The following MEGF11 variants were observed in gnomAD, a reference collection of about 807,000 sequenced individuals.
MEGF11 encodes the protein multiple epidermal growth factor-like domains protein 11.
A neutral mutation model predicts 146.6 loss-of-function variants in MEGF11; 126 were observed. The ratio of observed to expected loss-of-function variants is 0.86; its 90% CI spans 0.74 to 1.00. The LOEUF (loss-of-function observed/expected upper bound fraction) is 1.00. MEGF11 is among the 50% of genes least tolerant of loss of function. The pLI, the probability that MEGF11 is intolerant of heterozygous loss-of-function variation, is 0.00. For missense variants in MEGF11, 1,509 were observed against 1,521.2 expected (o/e 0.99, Z 0.13); for synonymous variants, 532 against 583.4 (o/e 0.91, Z 1.27).
intron 1 of MEGF11, among the ~76,000 whole-genome samples, chr15:66,236,298 G>C (rs2092089860): frequency 6.6e-6 from 1 of 152,164 alleles, no homozygotes; most frequent in Non-Finnish European, 1.5e-5. Context: ...CCTTGACTCT[G>C]TGCTAATGAG....
intron 10 of MEGF11, among the ~76,000 whole-genome samples, chr15:65,938,843 G>T (rs1301794784): frequency 6.6e-6 from 1 of 152,182 alleles, no homozygotes; most frequent in Non-Finnish European, 1.5e-5. Flanking sequence ...GGTGGGTAAT[G>T]AGTTGTATGT....
At chr15:66,182,212 C>T (rs1286840239) in intron 1 of MEGF11, among the ~76,000 whole-genome samples, 1 of 152,204 alleles carries the variant, frequency 6.6e-6, no homozygotes, top group African/African-American at 2.4e-5. Flanking sequence ...CCTCATACCC[C>T]TCCACGGGCC....
chr15:65,950,397 C>A (rs571734543), intron 10 of MEGF11, among the ~76,000 whole-genome samples: 1 of 151,996 alleles, frequency 6.6e-6, no homozygotes, highest in South Asian at 2.1e-4. Context: ...CCAGCCTGGG[C>A]AACATGGCAA....
chr15:66,143,487 CA>C (rs1185423593), intron 1 of MEGF11, among the ~76,000 whole-genome samples: 1 of 152,234 alleles, frequency 6.6e-6, no homozygotes. Context: ...CGGGTGCAGA[CA>C]GAAGGGCTGG....
In MEGF11 at chr15:65,921,977, CT is replaced by C. The variant is rs2141253534; in HGVS notation, c.1957+360del. ...AGCTCCTCTGCACTCCCACAGCATT[CT>C]CTGCCTTTACCCTTGGCACTCGGCA... On this transcript the variant is annotated intron_variant, in intron 15 of 25. Transcript: ENST00000395614. 1.2e-5 allele frequency: 3 copies of C among 245,448 alleles called. No individual in the cohort carries two copies. In the South Asian group the frequency reaches 1.4e-4, roughly 12 times the overall value. The allele number at this position is 245,448 out of a possible 1,614,324, so 15.2% of individuals were successfully genotyped here.
intron 5 of MEGF11, among the ~76,000 whole-genome samples, chr15:66,008,111 C>G (rs865955774): frequency 6.6e-6 from 1 of 152,150 alleles, no homozygotes; most frequent in Non-Finnish European, 1.5e-5. Context: ...GTTGAGGTAA[C>G]AGGAACCACA....
At chr15:65,929,630 C>T in intron 12 of MEGF11, 90 bp downstream of exon 12, 2 of 1,427,560 alleles carry the variant, frequency 1.4e-6, no homozygotes, top group African/African-American at 1.4e-5. Flanking sequence ...TAGTGCTGTT[C>T]TCTGTGCACT....
Position 66,151,465 on chromosome 15 carries a change from G to T in MEGF11, c.-8-23054C>A, listed in dbSNP as rs2126697. Among the ~76,000 whole-genome samples, 15 of 152,232 alleles carry T rather than the reference G, an allele frequency of 9.9e-5. No individual in the cohort carries two copies. In the South Asian group the frequency reaches 2.1e-3, roughly 21 times the overall value. On this transcript the variant is annotated intron_variant, in intron 1 of 25. Coordinates refer to ENST00000395614, the MANE Select transcript of MEGF11 (RefSeq NM_001385028.1). ...CAAGTTCCACTCTGCCACCAGTCAC[G>T]GACAGATCCCTCCCCATCTCTGGGC...
At chr15:66,206,405 A>G (rs917266510) in intron 1 of MEGF11, among the ~76,000 whole-genome samples, 1 of 152,206 alleles carries the variant, frequency 6.6e-6, no homozygotes, top group Admixed American at 6.5e-5. Flanking sequence ...AACTCCATCA[A>G]TTTGGCAAGA....
intron 1 of MEGF11, among the ~76,000 whole-genome samples, chr15:66,149,734 A>G (rs1221611187): frequency 6.6e-6 from 1 of 152,102 alleles, no homozygotes; most frequent in East Asian, 1.9e-4. Flanking sequence ...CCCACTCATA[A>G]ATACAGCCGA....
intron 5 of MEGF11, among the ~76,000 whole-genome samples, chr15:66,059,601 C>CT: frequency 6.6e-6 from 1 of 152,214 alleles, no homozygotes; most frequent in South Asian, 2.1e-4. Flanking sequence ...AGAGACCCCC[C>CT]ACAGCGCTAG....
In MEGF11 at chr15:65,964,981, G is replaced by A. The variant is rs761517532; in HGVS notation, c.1039C>T (p.Arg347Ter). 35 of 1,567,980 alleles carry A rather than the reference G, an allele frequency of 2.2e-5. No homozygotes were observed. Among genetic ancestry groups the A allele is most frequent in the African/African-American group, 4.1e-5 (3 of 73,808 alleles). ...PGYKGPRCQE[R>*]LCPEGLHGPG... The stretch of plus-strand genomic sequence containing the variant: ...CCATGCAGGCCCTCCGGGCACAGTC[G>A]CTCCTGGCAGCGTGGGCCCTTGTAG... The change falls in exon 9 of 26, where the codon CGA becomes TGA. Residue 347 changes from arginine (R) to a stop codon, truncating the protein, a stop_gained. Coordinates refer to ENST00000395614, the MANE Select transcript of MEGF11 (RefSeq NM_001385028.1). LOFTEE classifies it high-confidence loss of function.
intron 5 of MEGF11, among the ~76,000 whole-genome samples, chr15:66,063,106 C>A (rs907502500): frequency 6.6e-6 from 1 of 152,244 alleles, no homozygotes; most frequent in Non-Finnish European, 1.5e-5. Flanking sequence ...CATATTTTCA[C>A]TGCTGTGAAA....
intron 4 of MEGF11, among the ~76,000 whole-genome samples, chr15:66,108,239 AGCCCTGGAC>A (rs1257599806): frequency 2.0e-5 from 3 of 152,236 alleles, no homozygotes; most frequent in Non-Finnish European, 2.9e-5. Context: ...TGGAGTGGGC[AGCCCTGGAC>A]GGAGAGGAAG....
At chr15:66,003,213 C>T (rs2082418107) in intron 5 of MEGF11, among the ~76,000 whole-genome samples, 1 of 152,060 alleles carries the variant, frequency 6.6e-6, no homozygotes, top group Non-Finnish European at 1.5e-5. Context: ...AGGCTGGTCT[C>T]AAACTCCTGA....
At chr15:66,078,462 G>A (rs1317376996) in intron 5 of MEGF11, among the ~76,000 whole-genome samples, 2 of 152,244 alleles carry the variant, frequency 1.3e-5, no homozygotes, top group African/African-American at 4.8e-5. Flanking sequence ...GAGGAAAGGA[G>A]GTCTGCGGTG....
chr15:65,983,782 A>G (rs989363110), intron 5 of MEGF11, among the ~76,000 whole-genome samples: 1 of 152,046 alleles, frequency 6.6e-6, no homozygotes, highest in Non-Finnish European at 1.5e-5. Context: ...TCAGAGAGGA[A>G]AGGGGGCAGG....
In MEGF11 at chr15:65,982,416, G is replaced by A. The variant is rs781648579; in HGVS notation, c.467C>T (p.Pro156Leu). 35 of 1,509,332 alleles carry A rather than the reference G, an allele frequency of 2.3e-5. 2 individuals carry two copies. In the East Asian group the frequency reaches 3.7e-4, roughly 16 times the overall value. The allele number at this position is 1,509,332 out of a possible 1,614,324, so 93.5% of individuals were successfully genotyped here. A position where few individuals can be genotyped will look rare whatever the true frequency, so the allele number is the denominator to read the frequency against. ...CQCQNGALCN[P>L]ITGACVCAAG... ...GGCGCACACGCAGGCGCCTGTGATG[G>A]GGTTACACAGGGCGCCGTTCTGGCA... Residue 156 changes from proline to leucine, a missense_variant, in exon 6 of 26, where the codon CCC (proline) becomes CTC (leucine). Transcript: ENST00000395614. This position sits in a 1 kb window ranked among gnomAD's most constrained non-coding sequence, Gnocchi z 5.6.
chr15:66,156,891 C>T (rs540921132), intron 1 of MEGF11, among the ~76,000 whole-genome samples: 12 of 152,306 alleles, frequency 7.9e-5, no homozygotes, highest in African/African-American at 2.6e-4. Context: ...CAGAGCCAGG[C>T]AGAACCCCCT....
Sources: allele counts gnomAD v4.1 joint callset (sites outside exome capture counted in the v4.1 genomes callset), GRCh38; gene constraint gnomAD v4.1.1; non-coding constraint Gnocchi (gnomAD v3.1); transcripts MANE v1.5; gene names NCBI Gene and HGNC (gene_info 2026-07-23, HGNC 2026-07-21).